DENND5A: variants seen among roughly 807,000 people sequenced by gnomAD.
DENND5A encodes DENN domain-containing protein 5A.
DENND5A carries 64 observed loss-of-function variants against 140.3 expected under a neutral mutation model. That is an observed-to-expected ratio of 0.46 (90% CI 0.37 to 0.56). The LOEUF is 0.56. Among genes scored for constraint, DENND5A ranks in the 20% least tolerant of loss-of-function variants. The pLI is 0.00. For missense variants in DENND5A, 1,292 were observed against 1,593.8 expected, an observed-to-expected ratio of 0.81 and a Z score of 3.22; for synonymous variants, 605 against 607.7, an observed-to-expected ratio of 1.00 and a Z score of 0.07.
At chr11:9,207,152 C>A in intron 2 of DENND5A, 1 of 446,034 alleles carries the variant, frequency 2.2e-6, no homozygotes, top group Non-Finnish European at 4.1e-6. Context: ...CAACTAAAAA[C>A]ATCACAGAAG....
At chr11:9,258,085 A>C (rs561449500) in intron 1 of DENND5A, among the ~76,000 whole-genome samples, 17 of 151,956 alleles carry the variant, frequency 1.1e-4, no homozygotes, top group African/African-American at 3.6e-4. Flanking sequence ...GAGCCACCGT[A>C]CCCGGTCTAC....
chr11:9,174,102 C>CAAAAAA (rs57703622), intron 8 of DENND5A, among the ~76,000 whole-genome samples: 2 of 42,146 alleles, frequency 4.7e-5, no homozygotes, highest in Non-Finnish European at 8.3e-5. Flanking sequence ...GACTCCGTCT[C>CAAAAAA]AAAAAAAAAA....
chr11:9,193,450 C>A, intron 5 of DENND5A, 44 bp downstream of exon 5: 1 of 1,471,422 alleles, frequency 6.8e-7, no homozygotes, highest in Non-Finnish European at 9.1e-7. Context: ...CTTCTCTCCC[C>A]AATCCTGGAT....
intron 4 of DENND5A, among the ~76,000 whole-genome samples, chr11:9,195,183 C>G (rs1375059753): frequency 6.7e-6 from 1 of 149,352 alleles, no homozygotes; most frequent in South Asian, 2.1e-4. Context: ...CGGGTTTAAG[C>G]GATTCTCCTG....
rs1160020330 is a variant in DENND5A, at chr11:9,150,220, A to G, written c.2607-11T>C. On this transcript the variant is annotated splice_polypyrimidine_tract_variant and intron_variant, in intron 14 of 22. Transcript: ENST00000328194. ...ATGTTCTGGATGTGCCTGGAGGAAG[A>G]ATGTAAAAAGGAAGTGGAGGGTGGG... 6.2e-7 allele frequency: 1 copy of G among 1,613,116 alleles called. No individual in the cohort carries two copies. The highest frequency in any genetic ancestry group is 8.5e-7 in the Non-Finnish European group (1 of 1,179,412).
intron 1 of DENND5A, among the ~76,000 whole-genome samples, chr11:9,237,882 C>CA (rs1009388868): frequency 2.1e-4 from 32 of 150,404 alleles, no homozygotes; most frequent in African/African-American, 5.8e-4. Flanking sequence ...GGCTCCATTT[C>CA]AAAAAAAAAG....
At chr11:9,204,870 A>G (rs1849644390) in intron 3 of DENND5A, among the ~76,000 whole-genome samples, 1 of 152,222 alleles carries the variant, frequency 6.6e-6, no homozygotes. Flanking sequence ...AAAAAAAGGT[A>G]ATGTTAGAGT....
At chr11:9,232,614 T>C (rs1590312433) in intron 1 of DENND5A, among the ~76,000 whole-genome samples, 1 of 152,280 alleles carries the variant, frequency 6.6e-6, no homozygotes, top group East Asian at 1.9e-4. Flanking sequence ...TGTCGTGCAC[T>C]GCAAGTGGGA....
chr11:9,193,978 A>T (rs141017301), intron 4 of DENND5A, among the ~76,000 whole-genome samples: 8 of 152,372 alleles, frequency 5.3e-5, no homozygotes, highest in African/African-American at 1.9e-4. Flanking sequence ...ATACTACCAC[A>T]GAATGTTAAG....
intron 1 of DENND5A, among the ~76,000 whole-genome samples, chr11:9,229,705 C>G (rs1381339282): frequency 6.6e-6 from 1 of 152,092 alleles, no homozygotes; most frequent in Non-Finnish European, 1.5e-5. Context: ...GAATGCTGCA[C>G]AGAGTCCAAG....
intron 12 of DENND5A, 26 bp from the exon 13 acceptor site, chr11:9,152,468 C>G (rs775135543): frequency 6.5e-7 from 1 of 1,532,902 alleles, no homozygotes; most frequent in African/African-American, 1.4e-5. Context: ...GGGAGAAACA[C>G]CTATCAGTTT....
rs1554909131 is a variant in DENND5A at position 9,142,070 on chromosome 11, C to A, written c.3550G>T (p.Glu1184Ter). The A allele has an allele frequency of 6.2e-7, 1 of 1,603,418 alleles. No homozygotes were observed. The highest frequency in any genetic ancestry group is 8.5e-7 in the Non-Finnish European group (1 of 1,175,108). The change falls in exon 22 of 23, where the codon GAA becomes TAA. Residue 1184 changes from glutamate (E) to a stop codon, truncating the protein, a stop_gained. Coordinates refer to ENST00000328194, the MANE Select transcript of DENND5A (RefSeq NM_015213.4). LOFTEE classifies it high-confidence loss of function. ...QTYYETLEKN[E>*]VVPEENWHTR... Reference sequence around the variant, plus strand: ...TGCCAGTTTTCCTCAGGGACTACTTCATTCTTCTCTAATGTCTCATAATAG... The same window carrying A: ...TGCCAGTTTTCCTCAGGGACTACTTAATTCTTCTCTAATGTCTCATAATAG...
intron 12 of DENND5A, among the ~76,000 whole-genome samples, chr11:9,152,858 G>C (rs1179703738): frequency 2.0e-5 from 3 of 151,778 alleles, no homozygotes; most frequent in African/African-American, 7.3e-5. Flanking sequence ...ACACAAATTA[G>C]CAGGATGTGG....
At chr11:9,246,299 C>T (rs929751441) in intron 1 of DENND5A, among the ~76,000 whole-genome samples, 8 of 152,060 alleles carry the variant, frequency 5.3e-5, no homozygotes, top group Admixed American at 1.3e-4. Context: ...GGTTCCACAC[C>T]GGACACATAG....
Position 9,139,554 on chromosome 11 carries a change from C to T in DENND5A, c.*117G>A. The T allele has an allele frequency of 1.2e-6, 1 of 857,802 alleles. No homozygotes were observed. The highest frequency in any genetic ancestry group is 1.8e-6 in the Non-Finnish European group (1 of 569,730). The allele number at this position is 857,802 out of a possible 1,614,324, so 53.1% of individuals were successfully genotyped here. A position where few individuals can be genotyped will look rare whatever the true frequency, so the allele number is the denominator to read the frequency against. On this transcript the variant is annotated 3_prime_UTR_variant, in exon 23 of 23. Coordinates refer to ENST00000328194, the MANE Select transcript of DENND5A (RefSeq NM_015213.4). ...CAAAAATCCTCTAGTTTTCTTTTTACAGTGAGTGTACATTTTGTCTCCTAC... is the reference window on the plus strand; with the variant it reads ...CAAAAATCCTCTAGTTTTCTTTTTATAGTGAGTGTACATTTTGTCTCCTAC...
chr11:9,150,885 AATTG>A (rs1847593636), intron 13 of DENND5A, 121 bp from the exon 14 acceptor site: 1 of 507,138 alleles, frequency 2.0e-6, no homozygotes, highest in African/African-American at 2.0e-5. Context: ...GTAACACTTT[AATTG>A]ATTGTTTCAT....
At position 9,181,200 on chromosome 11, in the gene DENND5A, G is replaced by A. The variant is rs545322485; in HGVS notation, c.1138-116C>T. 3 of 825,898 alleles carry A rather than the reference G, an allele frequency of 3.6e-6. No homozygotes were observed. The African/African-American group carries it at 5.2e-5, about 14-fold the overall frequency. 51.2% of individuals were successfully genotyped at this position (825,898 alleles called of 1,614,324 possible). A position where few individuals can be genotyped will look rare whatever the true frequency, so the allele number is the denominator to read the frequency against. ...CAAAACACCTGAAATGGCTATATTT[G>A]AGATATGGTATAAGGAAGATAGGGC... On this transcript the variant is annotated intron_variant, in intron 5 of 22. Coordinates refer to ENST00000328194, the MANE Select transcript of DENND5A (RefSeq NM_015213.4).
At chr11:9,248,357 G>A (rs1425036296) in intron 1 of DENND5A, among the ~76,000 whole-genome samples, 1 of 151,958 alleles carries the variant, frequency 6.6e-6, no homozygotes, top group Non-Finnish European at 1.5e-5. Context: ...TGGTGGTCAT[G>A]ACTTAAAGGG....
In DENND5A at chr11:9,139,356, G is replaced by C; in HGVS notation, c.*315C>G. The C allele has an allele frequency of 3.0e-6, 1 of 335,748 alleles. No homozygotes were observed. Among genetic ancestry groups the C allele is most frequent in the Non-Finnish European group, 5.5e-6 (1 of 180,576 alleles). The allele number at this position is 335,748 out of a possible 1,614,324, so 20.8% of individuals were successfully genotyped here. The stretch of plus-strand genomic sequence containing the variant: ...GAAACATAACTGTCCCGCACGCAGT[G>C]CCACAGGCTCAGTCCAGGGAGGCCT... On this transcript the variant is annotated 3_prime_UTR_variant, in exon 23 of 23. Transcript: ENST00000328194.
Sources: gnomAD v4.1 joint callset for allele counts (sites outside exome capture counted in the v4.1 genomes callset) on GRCh38, gnomAD v4.1.1 for gene constraint, MANE v1.5 for transcripts, NCBI Gene and HGNC (gene_info 2026-07-23, HGNC 2026-07-21) for gene names.